CD276: variants seen among roughly 807,000 people sequenced by gnomAD.
CD276 encodes CD276 antigen.
In CD276, 34 loss-of-function variants were observed where a neutral mutation model predicts 50.0. The ratio of observed to expected loss-of-function variants is 0.68; its 90% confidence interval spans 0.52 to 0.91. The LOEUF is 0.91. Ranked by LOEUF, CD276 falls within the 40% of genes least tolerant of loss-of-function variation. CD276 has a pLI of 0.00. For synonymous variants in CD276, 275 were observed against 313.0 expected, an observed-to-expected ratio of 0.88 and a Z score of 1.28; for missense variants, 634 against 717.5, an observed-to-expected ratio of 0.88 and a Z score of 1.33.
At chr15:73,688,537 C>A (rs1339013509) in intron 1 of CD276, among the ~76,000 whole-genome samples, 2 of 152,156 alleles carry the variant, frequency 1.3e-5, no homozygotes, top group Non-Finnish European at 2.9e-5. Context: ...CATGCTGTAC[C>A]CTGGGCAGGC....
rs1900508896 is a variant in CD276 at position 73,703,666 on chromosome 15, G to A, written c.741G>A (p.Val247=). The A allele has an allele frequency of 6.2e-7, 1 of 1,607,990 alleles. No individual in the cohort carries two copies. The highest frequency in any genetic ancestry group is 1.3e-5 in the African/African-American group (1 of 74,782). The change falls in exon 5 of 10, where the codon GTG becomes GTA. Residue 247 remains valine, a synonymous_variant. Transcript: ENST00000318443. The part of the protein sequence containing the change: ...ITPQRSPTGA[V]EVQVPEDPVV... The stretch of plus-strand genomic sequence containing the variant: ...CTCTGACCCCGCCCCCAGGAGCCGT[G>A]GAGGTCCAGGTCCCTGAGGACCCGG...
Position 73,713,045 on chromosome 15 carries a change from A to G in CD276, c.*89A>G. 1 of 1,233,088 alleles carries G rather than the reference A, an allele frequency of 8.1e-7. No individual in the cohort carries two copies. Among genetic ancestry groups the G allele is most frequent in the Non-Finnish European group, 1.2e-6 (1 of 853,848 alleles). 76.4% of individuals were successfully genotyped at this position (1,233,088 alleles called of 1,614,324 possible). A position where few individuals can be genotyped will look rare whatever the true frequency, so the allele number is the denominator to read the frequency against. On this transcript the variant is annotated 3_prime_UTR_variant, in exon 10 of 10. Transcript: ENST00000318443. The stretch of plus-strand genomic sequence containing the variant: ...GCACTGTGAGCCCTGCCCCCAACAG[A>G]TGCATCCTGCTCTGACAGGTGGGCT...
intron 1 of CD276, among the ~76,000 whole-genome samples, chr15:73,697,900 A>G (rs1900236512): frequency 6.6e-6 from 1 of 152,210 alleles, no homozygotes; most frequent in Non-Finnish European, 1.5e-5. Context: ...CTGCAAAAAT[A>G]GGACCAAGTG....
chr15:73,706,829 G>C (rs1443737326), intron 6 of CD276, among the ~76,000 whole-genome samples: 1 of 152,192 alleles, frequency 6.6e-6, no homozygotes, highest in East Asian at 1.9e-4. Context: ...GGGTGAACAG[G>C]GCAAATGTAA....
chr15:73,697,567 A>C (rs1349536901), intron 1 of CD276: 3 of 133,640 alleles, frequency 2.2e-5, no homozygotes, highest in African/African-American at 5.8e-5. Flanking sequence ...CTGGGCTTTA[A>C]TTTTTTTTTT....
chr15:73,711,987 TC>T (rs1210258510), intron 9 of CD276: 4 of 151,956 alleles, frequency 2.6e-5, no homozygotes, highest in Admixed American at 2.6e-4. Context: ...AAACCCTGTC[TC>T]TACTAAAAAT....
At chr15:73,686,504 C>T (rs1899771834) in intron 1 of CD276, among the ~76,000 whole-genome samples, 1 of 152,296 alleles carries the variant, frequency 6.6e-6, no homozygotes, top group East Asian at 1.9e-4. Flanking sequence ...AAGTGTGGTC[C>T]CTTCAAAGTA....
chr15:73,702,955 T>C lies in CD276; in HGVS notation c.602T>C (p.Leu201Ser). The C allele has an allele frequency of 1.2e-6, 2 of 1,614,138 alleles. No individual in the cohort carries two copies. Among genetic ancestry groups the C allele is most frequent in the Non-Finnish European group, 1.7e-6 (2 of 1,180,040 alleles). Residue 201 changes from leucine (L) to serine (S), a missense_variant, in exon 4 of 10, where the codon TTG becomes TCG. Physicochemically the swap from Leu to Ser is moderately radical, Grantham distance 145. Transcript: ENST00000318443. ...TCGCAGATGGCCAACGAGCAGGGCT[T>C]GTTTGATGTGCACAGCATCCTGCGG... Reference protein sequence around the residue: ...TTSQMANEQGLFDVHSILRVV... With the variant: ...TTSQMANEQGSFDVHSILRVV...
Position 73,684,441 on chromosome 15 carries a change from C to G in CD276, c.-74C>G, listed in dbSNP as rs2141524049. On this transcript the variant is annotated 5_prime_UTR_variant, in exon 1 of 10. Coordinates refer to ENST00000318443, the MANE Select transcript of CD276 (RefSeq NM_001024736.2). ...GCCAGGCTGGGCCGCGTCCCTGAGT[C>G]CCAGAGTCGGCGCGGCGCGGTGAGT... The G allele has an allele frequency of 6.6e-6, 1 of 152,392 alleles. No homozygotes were observed. Among genetic ancestry groups the G allele is most frequent in the African/African-American group, 2.4e-5 (1 of 41,500 alleles). 9.4% of individuals were successfully genotyped at this position (152,392 alleles called of 1,614,324 possible). A position where few individuals can be genotyped will look rare whatever the true frequency, so the allele number is the denominator to read the frequency against.
intron 8 of CD276, 124 bp from the exon 9 acceptor site, chr15:73,711,011 A>G (rs575838375): frequency 1.1e-6 from 1 of 923,002 alleles, no homozygotes; most frequent in East Asian, 2.4e-5. Flanking sequence ...TTGTGCTATG[A>G]AGTGGTCCCA....
chr15:73,703,608 T>C (rs779143859), intron 4 of CD276, 51 bp from the exon 5 acceptor site: 2 of 1,426,592 alleles, frequency 1.4e-6, no homozygotes, highest in Non-Finnish European at 9.6e-7. Flanking sequence ...GGTGGTAGCC[T>C]AGAGAGTCCC....
rs1390340213 is a variant in CD276, at chr15:73,702,909, CT to C, written c.557del (p.Leu186ArgfsTer5). 1.2e-6 allele frequency: 2 copies of C among 1,613,810 alleles called. No homozygotes were observed. Among genetic ancestry groups the C allele is most frequent in the African/African-American group, 1.3e-5 (1 of 74,938 alleles). ...CTGGCAGGATGGGCAGGGTGTGCCC[CT>C]GACTGGCAACGTGACCACGTCGCAG... ...VFWQDGQGVP[L>X]TGNVTTSQMA... On this transcript the variant is annotated frameshift_variant, in exon 4 of 10. Transcript: ENST00000318443. LOFTEE classifies it high-confidence loss of function.
chr15:73,686,292 A>G (rs569831352), intron 1 of CD276: 1 of 985,128 alleles, frequency 1.0e-6, no homozygotes, highest in Non-Finnish European at 1.2e-6. Flanking sequence ...GTGAGACATG[A>G]GCTTGTCAGA....
chr15:73,690,416 A>G (rs1899941253), intron 1 of CD276, among the ~76,000 whole-genome samples: 1 of 152,160 alleles, frequency 6.6e-6, no homozygotes, highest in Non-Finnish European at 1.5e-5. Flanking sequence ...ATCTTAGTCC[A>G]TGTTTTACTG....
chr15:73,710,777 C>T (rs993651058), intron 8 of CD276, among the ~76,000 whole-genome samples: 1 of 152,154 alleles, frequency 6.6e-6, no homozygotes, highest in African/African-American at 2.4e-5. Context: ...CACATGGTCC[C>T]AGGCCCACCT....
At chr15:73,701,574 C>T (rs954729516) in intron 2 of CD276, among the ~76,000 whole-genome samples, 3 of 152,206 alleles carry the variant, frequency 2.0e-5, no homozygotes, top group Non-Finnish European at 2.9e-5. Context: ...GGGCCTTCCA[C>T]CTGCTGTTTC....
At chr15:73,703,533 TAAG>T in intron 4 of CD276, 123 bp from the exon 5 acceptor site, 3 of 789,668 alleles carry the variant, frequency 3.8e-6, no homozygotes, top group South Asian at 3.7e-5. Context: ...CTTTTGCATC[TAAG>T]AAGAAAATAG....
Position 73,713,945 on chromosome 15 carries a change from G to C in CD276, c.*989G>C, listed in dbSNP as rs1209052245. 2.7e-6 allele frequency: 1 copy of C among 371,298 alleles called. No individual in the cohort carries two copies. The highest frequency in any genetic ancestry group is 5.1e-6 in the Non-Finnish European group (1 of 196,386). The allele number at this position is 371,298 out of a possible 1,614,324, so 23.0% of individuals were successfully genotyped here. A position where few individuals can be genotyped will look rare whatever the true frequency, so the allele number is the denominator to read the frequency against. On this transcript the variant is annotated 3_prime_UTR_variant, in exon 10 of 10. Transcript: ENST00000318443. ...CCTCAAGGACTCCCCATCCAGCTGG[G>C]AGACAGACAACTAACTACACTGCAC...
chr15:73,709,576 A>C, intron 7 of CD276, 72 bp from the exon 8 acceptor site: 1 of 1,470,166 alleles, frequency 6.8e-7, no homozygotes, highest in South Asian at 1.1e-5. Flanking sequence ...CTGCACTCTC[A>C]GGTGGGAAAG....
Sources: gnomAD v4.1 joint callset for allele counts (sites outside exome capture counted in the v4.1 genomes callset) on GRCh38, gnomAD v4.1.1 for gene constraint, MANE v1.5 for transcripts, NCBI Gene and HGNC (gene_info 2026-07-23, HGNC 2026-07-21) for gene names.